SLC35A5: variants seen among roughly 807,000 people sequenced by gnomAD.
SLC35A5 encodes the protein UDP-sugar transporter protein SLC35A5.
A neutral mutation model predicts 36.3 loss-of-function variants in SLC35A5; 28 were observed. The ratio of observed to expected loss-of-function variants is 0.77; its 90% CI spans 0.57 to 1.06. The LOEUF (loss-of-function observed/expected upper bound fraction) is 1.06. SLC35A5 is among the 50% of genes least tolerant of loss of function. The pLI is 0.00. For missense variants in SLC35A5, 521 were observed against 499.3 expected (o/e 1.04, Z -0.41); for synonymous variants, 180 against 173.7 (o/e 1.04, Z -0.29).
intron 4 of SLC35A5, among the ~76,000 whole-genome samples, chr3:112,571,850 G>A (rs1281488041): frequency 6.6e-6 from 1 of 150,974 alleles, no homozygotes; most frequent in Non-Finnish European, 1.5e-5. Flanking sequence ...TACAATTCAA[G>A]GTGAGATTTG....
intron 5 of SLC35A5, among the ~76,000 whole-genome samples, chr3:112,576,620 C>G (rs1182882276): frequency 6.6e-6 from 1 of 152,144 alleles, no homozygotes; most frequent in African/African-American, 2.4e-5. Flanking sequence ...ACTTTAGATT[C>G]CTCATATGAA....
rs1293634049 is a variant in SLC35A5 at position 112,563,543 on chromosome 3, G to A, written c.130+10G>A. 3 of 1,593,156 alleles carry A rather than the reference G, an allele frequency of 1.9e-6. No individual in the cohort carries two copies. Among genetic ancestry groups the A allele is most frequent in the Admixed American group, 1.7e-5 (1 of 59,328 alleles). On this transcript the variant is annotated intron_variant, in intron 2 of 6. Transcript: ENST00000492406. ...TATTCTGCCAATGAAGGTAAGTTAA[G>A]ACTTGGTATATGCATGGAGCACTTC...
chr3:112,572,242 G>T (rs1233675612), intron 4 of SLC35A5, among the ~76,000 whole-genome samples: 1 of 151,916 alleles, frequency 6.6e-6, no homozygotes, highest in Non-Finnish European at 1.5e-5. Context: ...GTGCCCGGCC[G>T]ACTTTCCACA....
chr3:112,563,617 A>G (rs1175555234), intron 2 of SLC35A5, 84 bp downstream of exon 2: 12 of 1,307,344 alleles, frequency 9.2e-6, no homozygotes, highest in Non-Finnish European at 1.2e-5. Context: ...TATATATAAC[A>G]TGGAAATAAT....
At chr3:112,579,437 T>A (rs533806715) in intron 5 of SLC35A5, among the ~76,000 whole-genome samples, 1 of 152,054 alleles carries the variant, frequency 6.6e-6, no homozygotes, top group African/African-American at 2.4e-5. Context: ...TTTGCCTAAC[T>A]AACTGATCTT....
In SLC35A5 at chr3:112,582,077, C is replaced by T. The variant is rs571862693; in HGVS notation, c.1210-594C>T. On this transcript the variant is annotated intron_variant, in intron 6 of 6. Transcript: ENST00000492406. ...ACGTTTAAATAAGTGAAATAGACAT[C>T]TAGCTTTAGATTTACAATTTTCTTG... Among the ~76,000 whole-genome samples, 15 of 152,240 alleles carry T rather than the reference C, an allele frequency of 9.9e-5. No homozygotes were observed. The South Asian group carries it at 2.7e-3, about 27-fold the overall frequency.
At chr3:112,578,043 A>G (rs548256500) in intron 5 of SLC35A5, among the ~76,000 whole-genome samples, 1 of 152,244 alleles carries the variant, frequency 6.6e-6, no homozygotes, top group Admixed American at 6.5e-5. Flanking sequence ...ACTTATAGTG[A>G]TGAATCATAT....
chr3:112,561,769 C>G (rs1252622408), upstream of SLC35A5: 4 of 510,040 alleles, frequency 7.8e-6, no homozygotes, highest in African/African-American at 4.1e-5. Flanking sequence ...ACGGACCGGA[C>G]CCAGCTGTCA....
chr3:112,570,480 A>G, intron 3 of SLC35A5, 60 bp from the exon 4 acceptor site: 2 of 1,529,108 alleles, frequency 1.3e-6, no homozygotes, highest in Non-Finnish European at 1.8e-6. Flanking sequence ...AGTGCAGTGT[A>G]ATTTCTCTAA....
In SLC35A5 at chr3:112,583,392, G is replaced by A. The variant is rs1460927498; in HGVS notation, c.*656G>A. The A allele has an allele frequency of 2.9e-6, 1 of 343,218 alleles. No homozygotes were observed. The highest frequency in any genetic ancestry group is 2.1e-5 in the African/African-American group (1 of 47,542). 21.3% of individuals were successfully genotyped at this position (343,218 alleles called of 1,614,324 possible). On this transcript the variant is annotated 3_prime_UTR_variant, in exon 7 of 7. Coordinates refer to ENST00000492406, the MANE Select transcript of SLC35A5 (RefSeq NM_017945.5). ...TGGATTTTTGTAATAATCTTTTGAT[G>A]TTTTAAACATTGGTTCCCTAGTCAC... is the stretch of plus-strand genomic sequence containing the variant.
chr3:112,577,482 T>G (rs1934723511), intron 5 of SLC35A5, among the ~76,000 whole-genome samples: 1 of 152,266 alleles, frequency 6.6e-6, no homozygotes, highest in African/African-American at 2.4e-5. Flanking sequence ...GCAGGCATTA[T>G]GCCTTGTAGC....
At chr3:112,561,340 G>A (rs111946756), upstream of SLC35A5, 413 of 1,036,462 alleles carry the variant, frequency 4.0e-4, 2 homozygotes, top group African/African-American at 5.2e-3. Flanking sequence ...TGTGTCTCGA[G>A]CCCTACTGCC....
Position 112,581,129 on chromosome 3 carries a change from G to T in SLC35A5, c.1012G>T (p.Val338Phe), listed in dbSNP as rs1934897201. Reference protein sequence around the residue: ...DNMFHVLMAQVTTVIITTVSV... With the variant: ...DNMFHVLMAQFTTVIITTVSV... ...CATGTTCCATGTCTTGATGGCCCAGGTTACCACTGTCATTATCACAACAGT... is the reference window on the plus strand; with the variant it reads ...CATGTTCCATGTCTTGATGGCCCAGTTTACCACTGTCATTATCACAACAGT... Residue 338 changes from valine (V) to phenylalanine (F), a missense_variant, in exon 6 of 7, where the codon GTT becomes TTT. Val to Phe is a conservative substitution (Grantham distance 50). Transcript: ENST00000492406. 1.2e-6 allele frequency: 2 copies of T among 1,613,988 alleles called. No homozygotes were observed. The highest frequency in any genetic ancestry group is 1.7e-6 in the Non-Finnish European group (2 of 1,179,940).
At chr3:112,577,682 T>C (rs144934158) in intron 5 of SLC35A5, among the ~76,000 whole-genome samples, 25 of 152,350 alleles carry the variant, frequency 1.6e-4, no homozygotes, top group African/African-American at 5.5e-4. Context: ...AAAAAAATTA[T>C]TTAAAAATAC....
At position 112,580,662 on chromosome 3, in the gene SLC35A5, A is replaced by C; in HGVS notation, c.545A>C (p.His182Pro). The change falls in exon 6 of 7, where the codon CAC becomes CCC. Residue 182 changes from histidine to proline, a missense_variant. By Grantham distance (77) the His-to-Pro change is moderately conservative (BLOSUM62 -2). Coordinates refer to ENST00000492406, the MANE Select transcript of SLC35A5 (RefSeq NM_017945.5). ...QHNLAGRGFH[H>P]DAFFSPSNSC... ...AACTTGGCAGGACGTGGATTTCATC[A>C]CGATGCCTTTTTCAGCCCTTCCAAT... 6.2e-7 allele frequency: 1 copy of C among 1,614,154 alleles called. No homozygotes were observed. The highest frequency in any genetic ancestry group is 8.5e-7 in the Non-Finnish European group (1 of 1,179,974).
In SLC35A5 at chr3:112,569,220, G is replaced by C. The variant is rs1163830417; in HGVS notation, c.180G>C (p.Leu60=). Residue 60 remains leucine (L), a synonymous_variant, in exon 3 of 7, where the codon CTG becomes CTC. Transcript: ENST00000492406. ...LPTTVNVCSE[L]VKLVFCVLVS... Reference sequence around the variant, plus strand: ...CTACTGTGAATGTGTGCTCAGAACTGGTGAAGCTAGTTTTCTGTGTGCTTG... The same window carrying C: ...CTACTGTGAATGTGTGCTCAGAACTCGTGAAGCTAGTTTTCTGTGTGCTTG... The C allele has an allele frequency of 6.2e-7, 1 of 1,613,974 alleles. No individual in the cohort carries two copies. Among genetic ancestry groups the C allele is most frequent in the Admixed American group, 1.7e-5 (1 of 60,024 alleles).
rs1935027714 is a variant in SLC35A5, at chr3:112,583,529, G to A, written c.*793G>A. On this transcript the variant is annotated 3_prime_UTR_variant, in exon 7 of 7. Coordinates refer to ENST00000492406, the MANE Select transcript of SLC35A5 (RefSeq NM_017945.5). ...CATTACTCCTGAATTATTACATTTT[G>A]GAGAATAAGAGGGCATTTTATTTTA... The A allele has an allele frequency of 6.1e-6, 1 of 163,854 alleles. No individual in the cohort carries two copies. The highest frequency in any genetic ancestry group is 1.3e-5 in the Non-Finnish European group (1 of 76,350). The allele number at this position is 163,854 out of a possible 1,614,324, so 10.2% of individuals were successfully genotyped here. A position where few individuals can be genotyped will look rare whatever the true frequency, so the allele number is the denominator to read the frequency against.
upstream of SLC35A5, chr3:112,561,660 G>A (rs1046438324): frequency 2.2e-6 from 2 of 889,982 alleles, no homozygotes; most frequent in Non-Finnish European, 3.4e-6. Context: ...CCGAGGGGAC[G>A]GGACGCGACG....
intron 6 of SLC35A5, among the ~76,000 whole-genome samples, chr3:112,582,073 A>G (rs1934953574): frequency 6.6e-6 from 1 of 152,198 alleles, no homozygotes; most frequent in African/African-American, 2.4e-5. Flanking sequence ...AGTGAAATAG[A>G]CATCTAGCTT....
Sources: allele counts gnomAD v4.1 joint callset (sites outside exome capture counted in the v4.1 genomes callset), GRCh38; gene constraint gnomAD v4.1.1; transcripts MANE v1.5; gene names NCBI Gene and HGNC (gene_info 2026-07-23, HGNC 2026-07-21).